DAB1: variants seen among roughly 807,000 people sequenced by gnomAD.
DAB1 encodes DAB adaptor protein 1.
In DAB1, 15 loss-of-function variants were observed where a neutral mutation model predicts 64.6. The ratio of observed to expected loss-of-function variants is 0.23; its 90% CI spans 0.16 to 0.36. The LOEUF is 0.36. Among genes scored for constraint, DAB1 ranks in the 10% least tolerant of loss-of-function variants. DAB1 has a pLI of 1.00. For synonymous variants in DAB1, 235 were observed against 251.9 expected, an observed-to-expected ratio of 0.93 and a Z score of 0.64; for missense variants, 596 against 706.7, an observed-to-expected ratio of 0.84 and a Z score of 1.78.
intron 5 of DAB1, among the ~76,000 whole-genome samples, chr1:58,053,182 C>A (rs1398498973): frequency 2.6e-5 from 4 of 152,206 alleles, no homozygotes; most frequent in African/African-American, 4.8e-5. Context: ...ATTCAGCTAT[C>A]TTTATAACAA....
At chr1:57,656,161 C>T (rs1474733173) in intron 6 of DAB1, among the ~76,000 whole-genome samples, 5 of 152,142 alleles carry the variant, frequency 3.3e-5, no homozygotes, top group African/African-American at 1.2e-4. Flanking sequence ...CAGAAGTGGG[C>T]CCTCACCAGA....
intron 6 of DAB1, among the ~76,000 whole-genome samples, chr1:57,686,516 A>C (rs1646699515): frequency 6.6e-6 from 1 of 152,222 alleles, no homozygotes; most frequent in Non-Finnish European, 1.5e-5. Context: ...TATTCTAAAA[A>C]CTCAAGGAGG....
chr1:57,606,113 G>C, intron 7 of DAB1: 1 of 451,708 alleles, frequency 2.2e-6, no homozygotes. Flanking sequence ...ACCATCTCCT[G>C]GGATTTTACA....
intron 2 of DAB1, among the ~76,000 whole-genome samples, chr1:57,287,626 A>C (rs956396547): frequency 6.6e-6 from 1 of 152,196 alleles, no homozygotes; most frequent in African/African-American, 2.4e-5. Context: ...GTTATATTCA[A>C]AATTCAATAT....
At chr1:57,681,122 T>G (rs553743133) in intron 6 of DAB1, among the ~76,000 whole-genome samples, 8 of 152,200 alleles carry the variant, frequency 5.3e-5, no homozygotes, top group Non-Finnish European at 1.2e-4. Context: ...CCTCTGAACT[T>G]TGTAGGAGAG....
chr1:58,465,863 G>C (rs557727010), intron 3 of DAB1, among the ~76,000 whole-genome samples: 11 of 152,260 alleles, frequency 7.2e-5, no homozygotes, highest in African/African-American at 2.6e-4. Context: ...CATGGTCAAT[G>C]GCAGAAATGG....
intron 4 of DAB1, among the ~76,000 whole-genome samples, chr1:58,275,487 A>G (rs1381070624): frequency 1.3e-5 from 2 of 152,188 alleles, no homozygotes; most frequent in Admixed American, 6.5e-5. Flanking sequence ...CAACAAAAAA[A>G]CAAATAAATT....
chr1:57,314,009 T>G (rs921693677), intron 1 of DAB1, among the ~76,000 whole-genome samples: 2 of 152,186 alleles, frequency 1.3e-5, no homozygotes, highest in Non-Finnish European at 2.9e-5. Context: ...CTGTAAGAAG[T>G]AAATTTCTGT....
chr1:57,452,165 C>A (rs920332439), intron 7 of DAB1, among the ~76,000 whole-genome samples: 4 of 73,118 alleles, frequency 5.5e-5, no homozygotes, highest in East Asian at 7.6e-4. Context: ...CTGCACCCCC[C>A]CTTTTTTTTT....
intron 6 of DAB1, among the ~76,000 whole-genome samples, chr1:57,792,633 T>C (rs1196644586): frequency 6.6e-6 from 1 of 152,234 alleles, no homozygotes; most frequent in East Asian, 1.9e-4. Flanking sequence ...TTAGAAATCC[T>C]GGGCTTAGGT....
At chr1:58,297,954 T>C (rs568341434) in intron 4 of DAB1, among the ~76,000 whole-genome samples, 1 of 152,296 alleles carries the variant, frequency 6.6e-6, no homozygotes, top group East Asian at 1.9e-4. Context: ...CTCCCATCAC[T>C]TGGGGCAGTT....
chr1:57,535,443 T>C (rs1244872282), intron 7 of DAB1, among the ~76,000 whole-genome samples: 1 of 151,684 alleles, frequency 6.6e-6, no homozygotes, highest in African/African-American at 2.4e-5. Context: ...CTTAATAGGA[T>C]TCTACTGTTA....
chr1:57,679,629 G>T (rs767451590), intron 6 of DAB1, among the ~76,000 whole-genome samples: 5 of 152,188 alleles, frequency 3.3e-5, no homozygotes, highest in Non-Finnish European at 5.9e-5. Flanking sequence ...TGTAAGCCAT[G>T]AATTAGGTTC....
chr1:57,566,731 A>C (rs1645126686), intron 7 of DAB1, among the ~76,000 whole-genome samples: 1 of 152,198 alleles, frequency 6.6e-6, no homozygotes, highest in Admixed American at 6.5e-5. Flanking sequence ...ACCAGGAAGA[A>C]GTTAAATCCC....
intron 7 of DAB1, among the ~76,000 whole-genome samples, chr1:57,612,777 T>C (rs1645743949): frequency 6.6e-6 from 1 of 152,182 alleles, no homozygotes; most frequent in South Asian, 2.1e-4. Flanking sequence ...CCACAGGAAA[T>C]GAATCCATCC....
chr1:58,310,133 A>G (rs1662394607), intron 4 of DAB1, among the ~76,000 whole-genome samples: 1 of 152,150 alleles, frequency 6.6e-6, no homozygotes, highest in Non-Finnish European at 1.5e-5. Flanking sequence ...CCTAAAGAGA[A>G]TATCACATGG....
chr1:57,094,226 T>C (rs1193312317), intron 4 of DAB1, among the ~76,000 whole-genome samples: 1 of 152,056 alleles, frequency 6.6e-6, no homozygotes, highest in African/African-American at 2.4e-5. Flanking sequence ...TTTCACCCCT[T>C]CAATAATATT....
intron 7 of DAB1, among the ~76,000 whole-genome samples, chr1:57,569,150 C>T (rs1002198052): frequency 9.1e-5 from 13 of 143,062 alleles, no homozygotes; most frequent in African/African-American, 2.6e-4. Flanking sequence ...CCCAGCTACT[C>T]GGGAGGCTGA....
Position 57,765,334 on chromosome 1 carries a change from T to C in DAB1, n.552-115669A>G, listed in dbSNP as rs185596489. Among the ~76,000 whole-genome samples, 374 of 152,320 alleles carry C rather than the reference T, an allele frequency of 2.5e-3. 1 individual carries two copies. The highest frequency in any genetic ancestry group is 8.8e-3 in the African/African-American group (365 of 41,578). The stretch of plus-strand genomic sequence containing the variant: ...TACACTCAGCAGCTGGTCTATTTTA[T>C]TTCCTGGAGCAAGATCTGTGACTCC... On this transcript the variant is annotated intron_variant and non_coding_transcript_variant, in intron 6 of 20. Coordinates refer to the DAB1 transcript ENST00000485760.
Sources: allele counts gnomAD v4.1 joint callset (sites outside exome capture counted in the v4.1 genomes callset), GRCh38; gene constraint gnomAD v4.1.1; transcripts MANE v1.5; gene names NCBI Gene and HGNC (gene_info 2026-07-23, HGNC 2026-07-21).